Variants in MOG observed in about 807,000 individuals in gnomAD.
MOG encodes myelin-oligodendrocyte glycoprotein.
MOG carries 20 observed loss-of-function variants against 35.9 expected under a neutral mutation model. The observed-to-expected ratio is 0.56, with a 90% CI of 0.39 to 0.81. MOG has a LOEUF of 0.81. Among genes scored for constraint, MOG ranks in the 30% least tolerant of loss-of-function variants. The pLI is 0.00. For missense variants in MOG, 251 were observed against 301.0 expected (o/e 0.83, Z 1.23); for synonymous variants, 92 against 114.3 (o/e 0.80, Z 1.25).
intron 2 of MOG, chr6:29,661,478 G>C: frequency 1.0e-6 from 1 of 985,208 alleles, no homozygotes; most frequent in South Asian, 4.7e-5. Flanking sequence ...CAACTTCCTA[G>C]CTCAGTAACT....
At chr6:29,659,769 G>C in intron 2 of MOG, 103 bp downstream of exon 2, 1 of 934,142 alleles carries the variant, frequency 1.1e-6, no homozygotes, top group Non-Finnish European at 1.7e-6. Context: ...CTCAGTCCTG[G>C]GAATGATTTC....
Position 29,662,294 on chromosome 6 carries a change from A to C in MOG, c.436+2628A>C. 1 of 428,204 alleles carries C rather than the reference A, an allele frequency of 2.3e-6. No homozygotes were observed. The highest frequency in any genetic ancestry group is 3.1e-6 in the Non-Finnish European group (1 of 321,322). The allele number at this position is 428,204 out of a possible 1,614,324, so 26.5% of individuals were successfully genotyped here. A position where few individuals can be genotyped will look rare whatever the true frequency, so the allele number is the denominator to read the frequency against. ...AGGTCAGGAGTTCGAGACCAGCCTG[A>C]TCAACATGGAGAAACCCCGTCTCTA... is the stretch of plus-strand genomic sequence containing the variant. On this transcript the variant is annotated intron_variant, in intron 2 of 7. Transcript: ENST00000376917. The surrounding 1 kb of genome is among the most constrained non-coding windows in gnomAD (Gnocchi z 4.2).
At chr6:29,659,872 C>A in intron 2 of MOG, 1 of 620,306 alleles carries the variant, frequency 1.6e-6, no homozygotes. Context: ...GGATCAAAAT[C>A]AATGCCTTTG....
chr6:29,669,529 G>A (rs1158076007), intron 5 of MOG, among the ~76,000 whole-genome samples: 5 of 150,970 alleles, frequency 3.3e-5, no homozygotes, highest in African/African-American at 1.2e-4. Context: ...GACCTCAGGT[G>A]ATCTGCCTGC....
chr6:29,671,219 C>T lies in MOG; in HGVS notation c.*34C>T. ...ACATCTTGGCAGGGGTGGAGGAGAG[C>T]CTGGTTGCCCAGGGATTTGTCCTTG... On this transcript the variant is annotated 3_prime_UTR_variant, in exon 8 of 8. Transcript: ENST00000376917. The T allele has an allele frequency of 1.2e-6, 2 of 1,612,758 alleles. No individual in the cohort carries two copies. Among genetic ancestry groups the T allele is most frequent in the South Asian group, 2.2e-5 (2 of 91,068 alleles).
intron 2 of MOG, chr6:29,661,274 T>C (rs974532335): frequency 4.8e-5 from 29 of 603,818 alleles, no homozygotes; most frequent in Non-Finnish European, 5.6e-5. Context: ...ATTGCAGTGC[T>C]GGGACCAGAA....
In MOG at chr6:29,670,362, T is replaced by C. The variant is rs1340580470; in HGVS notation, c.674T>C (p.Ile225Thr). Residue 225 changes from isoleucine to threonine, a missense_variant, in exon 6 of 8, where the codon ATC (isoleucine) becomes ACC (threonine). Physicochemically the swap from Ile to Thr is moderately conservative, Grantham distance 89. Coordinates refer to ENST00000376917, the MANE Select transcript of MOG (RefSeq NM_206809.4). This position sits in a 1 kb window ranked among gnomAD's most constrained non-coding sequence, Gnocchi z 4.2. ...VPVLGPLVAL[I>T]ICYNWLHRRL... ...GTTCTTGGACCCTTGGTTGCCTTGA[T>C]CATCTGCTACAACTGGCTACATCGA... is the stretch of plus-strand genomic sequence containing the variant. The C allele has an allele frequency of 6.2e-7, 1 of 1,614,164 alleles. No homozygotes were observed. Among genetic ancestry groups the C allele is most frequent in the Non-Finnish European group, 8.5e-7 (1 of 1,180,028 alleles).
chr6:29,661,349 A>G, intron 2 of MOG: 1 of 984,678 alleles, frequency 1.0e-6, no homozygotes, highest in African/African-American at 1.7e-5. Flanking sequence ...ATATGGAAAT[A>G]GCTTTATGTG....
chr6:29,658,524 G>A (rs910318117), intron 1 of MOG, among the ~76,000 whole-genome samples: 3 of 152,190 alleles, frequency 2.0e-5, no homozygotes, highest in Admixed American at 2.0e-4. Flanking sequence ...ACTGAATAGT[G>A]AGAAGTGATG....
chr6:29,672,337 A>T lies in MOG; in HGVS notation c.*1152A>T, dbSNP rs536866099. On this transcript the variant is annotated 3_prime_UTR_variant, in exon 8 of 8. Coordinates refer to ENST00000376917, the MANE Select transcript of MOG (RefSeq NM_206809.4). ...ATAAATAAATAAATAAATAAATAAA[A>T]AATAATAATACAAGTTTTCATAAGC... 257 of 336,136 alleles carry T rather than the reference A, an allele frequency of 7.6e-4. 2 individuals are homozygous for T. Among genetic ancestry groups the T allele is most frequent in the Admixed American group, 1.6e-3 (30 of 18,578 alleles). 20.8% of individuals were successfully genotyped at this position (336,136 alleles called of 1,614,324 possible). A position where few individuals can be genotyped will look rare whatever the true frequency, so the allele number is the denominator to read the frequency against.
In MOG at chr6:29,662,944, C is replaced by T. The variant is rs1185744925; in HGVS notation, c.437-3208C>T. Among the ~76,000 whole-genome samples the T allele has an allele frequency of 3.3e-5, 5 of 151,846 alleles. No homozygotes were observed. The highest frequency in any genetic ancestry group is 1.3e-4 in the Admixed American group (2 of 15,244). On this transcript the variant is annotated intron_variant, in intron 2 of 7. Coordinates refer to ENST00000376917, the MANE Select transcript of MOG (RefSeq NM_206809.4). The surrounding 1 kb of genome is among the most constrained non-coding windows in gnomAD (Gnocchi z 4.2). ...TCCCAAAGTGCTAGAATTACAGGCG[C>T]GAGCCACTGCACCCAGCGAAGAACA...
At position 29,670,129 on chromosome 6, in the gene MOG, A is replaced by T; in HGVS notation, c.593-152A>T. Reference sequence around the variant, plus strand: ...CAGTTATTGAAAATAAGGAGGCAGTACTTTTCTCATCCAAGTTCATGGACT... The same window carrying T: ...CAGTTATTGAAAATAAGGAGGCAGTTCTTTTCTCATCCAAGTTCATGGACT... On this transcript the variant is annotated intron_variant, in intron 5 of 7. Coordinates refer to ENST00000376917, the MANE Select transcript of MOG (RefSeq NM_206809.4). The surrounding 1 kb of genome is among the most constrained non-coding windows in gnomAD (Gnocchi z 4.2). 1 of 1,266,384 alleles carries T rather than the reference A, an allele frequency of 7.9e-7. No individual in the cohort carries two copies. Among genetic ancestry groups the T allele is most frequent in the Non-Finnish European group, 1.2e-6 (1 of 863,252 alleles). The allele number at this position is 1,266,384 out of a possible 1,614,324, so 78.4% of individuals were successfully genotyped here.
chr6:29,657,785 G>A (rs1405620164), intron 1 of MOG, among the ~76,000 whole-genome samples: 1 of 150,502 alleles, frequency 6.6e-6, no homozygotes, highest in Non-Finnish European at 1.5e-5. Context: ...CTGGGATTAT[G>A]GGCGTGAGCC....
Position 29,671,750 on chromosome 6 carries a change from T to C in MOG, c.*565T>C. ...AGATGGGGAGAAACCTACAGAATAC[T>C]AGCCAGAGCTCCTCCTTGTCTTGGC... On this transcript the variant is annotated 3_prime_UTR_variant, in exon 8 of 8. Transcript: ENST00000376917. 1 of 470,196 alleles carries C rather than the reference T, an allele frequency of 2.1e-6. No homozygotes were observed. The highest frequency in any genetic ancestry group is 3.8e-6 in the Non-Finnish European group (1 of 264,924). 29.1% of individuals were successfully genotyped at this position (470,196 alleles called of 1,614,324 possible).
chr6:29,671,133 C>T (rs1178243445), intron 7 of MOG, 39 bp from the exon 8 acceptor site: 1 of 1,612,806 alleles, frequency 6.2e-7, no homozygotes, highest in Non-Finnish European at 8.5e-7. Flanking sequence ...ATACAAACTA[C>T]TGACATACGT....
chr6:29,665,434 C>T (rs1770002013), intron 2 of MOG, among the ~76,000 whole-genome samples: 1 of 152,036 alleles, frequency 6.6e-6, no homozygotes, highest in South Asian at 2.1e-4. Flanking sequence ...GTCAAAGGTT[C>T]TCTTCATATT....
chr6:29,671,225 T>A lies in MOG; in HGVS notation c.*40T>A. 6.2e-7 allele frequency: 1 copy of A among 1,612,702 alleles called. No individual in the cohort carries two copies. Among genetic ancestry groups the A allele is most frequent in the Non-Finnish European group, 8.5e-7 (1 of 1,179,988 alleles). On this transcript the variant is annotated 3_prime_UTR_variant, in exon 8 of 8. Coordinates refer to ENST00000376917, the MANE Select transcript of MOG (RefSeq NM_206809.4). ...TGGCAGGGGTGGAGGAGAGCCTGGT[T>A]GCCCAGGGATTTGTCCTTGGGGACA...
rs1771522569 is a variant in MOG at position 29,671,844 on chromosome 6, T to C, written c.*659T>C. The C allele has an allele frequency of 7.4e-6, 2 of 269,990 alleles. No individual in the cohort carries two copies. Among genetic ancestry groups the C allele is most frequent in the South Asian group, 1.5e-4 (2 of 13,030 alleles). 16.7% of individuals were successfully genotyped at this position (269,990 alleles called of 1,614,324 possible). Reference sequence around the variant, plus strand: ...CATGCCTGCTTTAGAATGTTTTCCTTCTACTTACACATCTTCCACAGGTCT... The same window carrying C: ...CATGCCTGCTTTAGAATGTTTTCCTCCTACTTACACATCTTCCACAGGTCT... On this transcript the variant is annotated 3_prime_UTR_variant, in exon 8 of 8. Coordinates refer to ENST00000376917, the MANE Select transcript of MOG (RefSeq NM_206809.4).
chr6:29,659,034 C>G (rs1487158632), intron 1 of MOG, among the ~76,000 whole-genome samples: 1 of 152,058 alleles, frequency 6.6e-6, no homozygotes, highest in Non-Finnish European at 1.5e-5. Flanking sequence ...ATCACTTGAA[C>G]CTGGGAGGCG....
Sources: gnomAD v4.1 joint callset for allele counts (sites outside exome capture counted in the v4.1 genomes callset) on GRCh38, gnomAD v4.1.1 for gene constraint, Gnocchi (gnomAD v3.1) non-coding constraint, MANE v1.5 for transcripts, NCBI Gene and HGNC (gene_info 2026-07-23, HGNC 2026-07-21) for gene names.